The following NT5C1B variants were observed in gnomAD, a reference collection of about 807,000 sequenced individuals.
NT5C1B encodes cytosolic 5'-nucleotidase 1B.
A neutral mutation model predicts 57.8 loss-of-function variants in NT5C1B; 44 were observed. That is an observed-to-expected ratio of 0.76 (90% CI 0.60 to 0.98). The LOEUF (loss-of-function observed/expected upper bound fraction) is 0.98, where lower values mean the gene tolerates loss of function less well. Ranked by LOEUF, NT5C1B falls within the 50% of genes least tolerant of loss-of-function variation. NT5C1B has a pLI of 0.00. For synonymous variants in NT5C1B, 284 were observed against 282.6 expected, an observed-to-expected ratio of 1.00 and a Z score of -0.05; for missense variants, 742 against 719.5, an observed-to-expected ratio of 1.03 and a Z score of -0.36.
intron 6 of NT5C1B, among the ~76,000 whole-genome samples, chr2:18,582,416 A>T (rs1666259708): frequency 6.6e-6 from 1 of 152,178 alleles, no homozygotes; most frequent in Non-Finnish European, 1.5e-5. Flanking sequence ...TTTCTATGTA[A>T]ATTATTTTAT....
intron 6 of NT5C1B, among the ~76,000 whole-genome samples, chr2:18,580,564 G>A (rs999415612): frequency 6.6e-6 from 1 of 152,120 alleles, no homozygotes; most frequent in Non-Finnish European, 1.5e-5. Flanking sequence ...GCCATGAGCC[G>A]AGATAGCACT....
intron 6 of NT5C1B, among the ~76,000 whole-genome samples, chr2:18,579,824 G>T (rs1262729545): frequency 1.3e-5 from 2 of 152,078 alleles, no homozygotes; most frequent in African/African-American, 4.8e-5. Flanking sequence ...CATAGCAAAA[G>T]AAACTATCAA....
intron 6 of NT5C1B, among the ~76,000 whole-genome samples, chr2:18,577,712 A>G (rs866948322): frequency 7.4e-4 from 112 of 151,950 alleles, no homozygotes; most frequent in African/African-American, 2.7e-3. Context: ...GAAAAAAAAA[A>G]GAAAGAAAAA....
chr2:18,564,075 CT>C lies in NT5C1B; in HGVS notation c.1373del (p.Lys458ArgfsTer32). 2 of 1,603,886 alleles carry C rather than the reference CT, an allele frequency of 1.2e-6. No individual in the cohort carries two copies. The highest frequency in any genetic ancestry group is 1.7e-6 in the Non-Finnish European group (2 of 1,173,322). On this transcript the variant is annotated frameshift_variant, in exon 9 of 9. Coordinates refer to ENST00000304081, the Ensembl canonical transcript of NT5C1B. LOFTEE classifies it high-confidence loss of function. ...ACCGTTCATTTTTGGCATAGAACTT[CT>C]TTTGCAGTCTGCCTAAATCTTCCAG...
In NT5C1B at chr2:18,584,448, G is replaced by A; in HGVS notation, c.723+66C>T. Reference sequence around the variant, plus strand: ...GGAGGACCTCCCTGCGCAGTGGAGAGGAGGGCGGCTGGAAGAGGCTGCAAG... The same window carrying A: ...GGAGGACCTCCCTGCGCAGTGGAGAAGAGGGCGGCTGGAAGAGGCTGCAAG... On this transcript the variant is annotated intron_variant, in intron 4 of 8. Coordinates refer to ENST00000304081, the Ensembl canonical transcript of NT5C1B. This position sits in a 1 kb window ranked among gnomAD's most constrained non-coding sequence, Gnocchi z 5.8. The A allele has an allele frequency of 6.4e-7, 1 of 1,564,036 alleles. No homozygotes were observed. Among genetic ancestry groups the A allele is most frequent in the Non-Finnish European group, 8.6e-7 (1 of 1,156,734 alleles).
At chr2:18,587,676 A>G in intron 1 of NT5C1B, 84 bp from the exon 2 acceptor site, 1 of 1,466,700 alleles carries the variant, frequency 6.8e-7, no homozygotes. Context: ...AGGATAAAGA[A>G]AACACAAAAT....
chr2:18,585,036 G>C, intron 3 of NT5C1B, 58 bp from the exon 4 acceptor site: 43 of 1,589,892 alleles, frequency 2.7e-5, no homozygotes, highest in Non-Finnish European at 3.7e-5. Flanking sequence ...TCCGGTCAAG[G>C]ATCTGTCCCT....
chr2:18,587,457 T>G (rs747476812), intron 2 of NT5C1B, 46 bp downstream of exon 2: 7 of 1,600,830 alleles, frequency 4.4e-6, no homozygotes, highest in Non-Finnish European at 5.9e-6. Context: ...TCCATTATGC[T>G]TTCTGCTCCT....
Position 18,586,252 on chromosome 2 carries a change from A to G in NT5C1B, c.258+2T>C, listed in dbSNP as rs1666699581. ...ACTACTCCCTTTCATCTTTACCTCTACCTTAGCACTGGTGTTCCTGCTTCT... is the reference window on the plus strand; with the variant it reads ...ACTACTCCCTTTCATCTTTACCTCTGCCTTAGCACTGGTGTTCCTGCTTCT... On this transcript the variant is annotated splice_donor_variant, in intron 3 of 8. Transcript: ENST00000304081. LOFTEE classifies it high-confidence loss of function. 1.2e-6 allele frequency: 2 copies of G among 1,613,502 alleles called. No homozygotes were observed. The highest frequency in any genetic ancestry group is 3.3e-5 in the Admixed American group (2 of 59,926).
intron 8 of NT5C1B, among the ~76,000 whole-genome samples, chr2:18,568,440 TAAAAC>T (rs1323597814): frequency 1.3e-5 from 2 of 151,432 alleles, no homozygotes; most frequent in African/African-American, 4.9e-5. Context: ...CAAAACAAAA[TAAAAC>T]AAAAGATCTC....
At chr2:18,573,724 T>C (rs1408781828) in intron 8 of NT5C1B, among the ~76,000 whole-genome samples, 1 of 152,156 alleles carries the variant, frequency 6.6e-6, no homozygotes, top group African/African-American at 2.4e-5. Context: ...ATGTCTTCAG[T>C]AGGAGTTGTA....
intron 8 of NT5C1B, 68 bp from the exon 9 acceptor site, chr2:18,564,187 G>T (rs1664431891): frequency 6.7e-7 from 1 of 1,486,152 alleles, no homozygotes; most frequent in Non-Finnish European, 9.0e-7. Flanking sequence ...AAAAAGCAGA[G>T]ACCTATATGA....
intron 1 of NT5C1B, 109 bp downstream of exon 1, chr2:18,589,330 T>G: frequency 7.0e-7 from 1 of 1,425,682 alleles, no homozygotes; most frequent in Non-Finnish European, 9.9e-7. Flanking sequence ...CTGAAGCCAT[T>G]ATCTGAAATT....
chr2:18,576,660 TC>T, intron 7 of NT5C1B, 112 bp downstream of exon 7: 1 of 1,518,520 alleles, frequency 6.6e-7, no homozygotes, highest in Non-Finnish European at 8.8e-7. Context: ...TGGAAAAACT[TC>T]AGAAGAATAT....
In NT5C1B at chr2:18,584,442, T is replaced by C; in HGVS notation, c.723+72A>G. The C allele has an allele frequency of 6.4e-7, 1 of 1,556,934 alleles. No individual in the cohort carries two copies. The highest frequency in any genetic ancestry group is 8.7e-7 in the Non-Finnish European group (1 of 1,152,482). On this transcript the variant is annotated intron_variant, in intron 4 of 8. Coordinates refer to ENST00000304081, the Ensembl canonical transcript of NT5C1B. The surrounding 1 kb of genome is among the most constrained non-coding windows in gnomAD (Gnocchi z 5.8). ...GAAGCGGGAGGACCTCCCTGCGCAG[T>C]GGAGAGGAGGGCGGCTGGAAGAGGC...
At chr2:18,583,110 T>C (rs1666327680) in intron 5 of NT5C1B, 113 bp from the exon 6 acceptor site, 1 of 1,355,174 alleles carries the variant, frequency 7.4e-7, no homozygotes. Flanking sequence ...GAATCTTCAC[T>C]GAGAGATTCT....
intron 8 of NT5C1B, among the ~76,000 whole-genome samples, chr2:18,574,359 A>G (rs1282943847): frequency 6.6e-6 from 1 of 152,156 alleles, no homozygotes; most frequent in Non-Finnish European, 1.5e-5. Flanking sequence ...AGAATGTGGA[A>G]CCCTTATACA....
At chr2:18,567,730 C>T (rs923622934) in intron 8 of NT5C1B, among the ~76,000 whole-genome samples, 36 of 152,040 alleles carry the variant, frequency 2.4e-4, no homozygotes, top group African/African-American at 7.5e-4. Context: ...TAAAACAGAA[C>T]AAAACAAAAT....
At position 18,584,662 on chromosome 2, in the gene NT5C1B, ATCCC is replaced by A. The variant is rs1666517830; in HGVS notation, c.571_574del (p.Gly191SerfsTer35). On this transcript the variant is annotated frameshift_variant, in exon 4 of 9. Coordinates refer to ENST00000304081, the Ensembl canonical transcript of NT5C1B. LOFTEE classifies it high-confidence loss of function. This position sits in a 1 kb window ranked among gnomAD's most constrained non-coding sequence, Gnocchi z 5.8. ...GTCCAGCTGGGTGGAGGCGGGGTAG[ATCCC>A]CCTGCGCTGGCTGGAGGACTTCCAC... The A allele has an allele frequency of 6.2e-7, 1 of 1,612,280 alleles. No homozygotes were observed. Among genetic ancestry groups the A allele is most frequent in the South Asian group, 1.1e-5 (1 of 90,850 alleles).
Sources: allele counts gnomAD v4.1 joint callset (sites outside exome capture counted in the v4.1 genomes callset), GRCh38; gene constraint gnomAD v4.1.1; non-coding constraint Gnocchi (gnomAD v3.1); transcripts MANE v1.5; gene names NCBI Gene and HGNC (gene_info 2026-07-23, HGNC 2026-07-21).